The following ZNF521 variants were observed in gnomAD, a reference collection of about 807,000 sequenced individuals.
The protein encoded by ZNF521 is LYST-interacting protein 3.
Under a neutral mutation model 105.5 loss-of-function variants are expected in ZNF521, and 14 were observed. That is an observed-to-expected ratio of 0.13 (90% CI 0.09 to 0.21). The LOEUF (loss-of-function observed/expected upper bound fraction) is 0.21, where lower values mean the gene tolerates loss of function less well. Among genes scored for constraint, ZNF521 ranks in the 10% least tolerant of loss-of-function variants. The pLI is 1.00. For missense variants in ZNF521, 1,233 were observed against 1,629.7 expected, an observed-to-expected ratio of 0.76 and a Z score of 4.19; for synonymous variants, 635 against 606.0, an observed-to-expected ratio of 1.05 and a Z score of -0.70.
intron 5 of ZNF521, among the ~76,000 whole-genome samples, chr18:25,137,215 A>T (rs1469286866): frequency 6.6e-6 from 1 of 152,202 alleles, no homozygotes; most frequent in Non-Finnish European, 1.5e-5. Context: ...AGTGTTAAAG[A>T]ACAACCACAG....
At chr18:25,305,543 T>G (rs1911930575) in intron 3 of ZNF521, among the ~76,000 whole-genome samples, 1 of 152,206 alleles carries the variant, frequency 6.6e-6, no homozygotes, top group African/African-American at 2.4e-5. Context: ...GTCTCTCTTC[T>G]TTATTCCTAA....
intron 2 of ZNF521, among the ~76,000 whole-genome samples, chr18:25,348,822 T>G (rs1598498361): frequency 1.3e-5 from 2 of 152,324 alleles, no homozygotes; most frequent in East Asian, 1.9e-4. Context: ...ACTGCACAGG[T>G]ATTTTGCAGT....
At chr18:25,174,508 C>A (rs1006091545) in intron 5 of ZNF521, among the ~76,000 whole-genome samples, 1 of 152,136 alleles carries the variant, frequency 6.6e-6, no homozygotes, top group Non-Finnish European at 1.5e-5. Context: ...GGGGAGACAG[C>A]GAGTGTTTGG....
At chr18:25,223,150 AGCTATGAGCCATAATCAAAGCT>A in intron 4 of ZNF521, among the ~76,000 whole-genome samples, 2 of 152,356 alleles carry the variant, frequency 1.3e-5, no homozygotes, top group East Asian at 3.9e-4. Context: ...CCAACCCATG[AGCTATGAGCCATAATCAAAGCT>A]ATGTTCTTCC....
In ZNF521 at chr18:25,224,410, T is replaced by G. The variant is rs146987568; in HGVS notation, c.3508A>C (p.Ser1170Arg). The change falls in exon 4 of 8, where the codon AGC becomes CGC. Residue 1170 changes from serine (S) to arginine (R), a missense_variant. Physicochemically the swap from Ser to Arg is moderately radical, Grantham distance 110 (BLOSUM62 -1). Around this residue, in one of 6 missense-constraint regions of ZNF521, gnomAD observed 614 missense variants for 751.5 expected, o/e 0.82. Coordinates refer to ENST00000361524, the MANE Select transcript of ZNF521 (RefSeq NM_015461.3). ...IHRELVPDSN[S>R]TQLKTPQVSP... Reference sequence around the variant, plus strand: ...ACTTGGGGCGTTTTCAACTGTGTGCTGTTGCTGTCTGGCACGAGCTCTCGG... The same window carrying G: ...ACTTGGGGCGTTTTCAACTGTGTGCGGTTGCTGTCTGGCACGAGCTCTCGG... The G allele has an allele frequency of 6.2e-7, 1 of 1,614,062 alleles. No homozygotes were observed. The highest frequency in any genetic ancestry group is 1.1e-5 in the South Asian group (1 of 91,080).
intron 5 of ZNF521, among the ~76,000 whole-genome samples, chr18:25,103,012 C>A (rs2033997794): frequency 6.6e-6 from 1 of 152,136 alleles, no homozygotes; most frequent in South Asian, 2.1e-4. Context: ...AAGTCTCTCT[C>A]ACCCCTTGAA....
chr18:25,327,551 C>T lies in ZNF521; in HGVS notation c.41-5364G>A, dbSNP rs184187404. ...TCCTAATCCCTGATTTATGTTTATA[C>T]TTTTTAAGAACAGAGAAAAAGTTAC... On this transcript the variant is annotated intron_variant, in intron 2 of 7. Coordinates refer to ENST00000361524, the MANE Select transcript of ZNF521 (RefSeq NM_015461.3). 9.0e-4 allele frequency: 625 copies of T among 694,764 alleles called. 2 individuals carry two copies. Among genetic ancestry groups the T allele is most frequent in the Middle Eastern group, 7.9e-3 (27 of 3,406 alleles). 43.0% of individuals were successfully genotyped at this position (694,764 alleles called of 1,614,324 possible).
At chr18:25,345,256 A>G (rs1204019362) in intron 2 of ZNF521, 2 of 152,236 alleles carry the variant, frequency 1.3e-5, no homozygotes, top group Non-Finnish European at 2.9e-5. Context: ...AATTACCGGA[A>G]GCAAAAAGTT....
At chr18:25,136,809 AC>A (rs1444314661) in intron 5 of ZNF521, 2 of 152,216 alleles carry the variant, frequency 1.3e-5, no homozygotes, top group Non-Finnish European at 2.9e-5. Flanking sequence ...CCAAAAGATC[AC>A]CCACAGAGCT....
chr18:25,212,538 A>AAAATATATATATATAT (rs1555647923), intron 4 of ZNF521, among the ~76,000 whole-genome samples: 1 of 48,132 alleles, frequency 2.1e-5, no homozygotes, highest in African/African-American at 1.3e-4. Flanking sequence ...AAAAAAAAAA[A>AAAATATATATATATAT]ATATATATAT....
chr18:25,314,597 C>T (rs1912501833), intron 3 of ZNF521, among the ~76,000 whole-genome samples: 1 of 152,142 alleles, frequency 6.6e-6, no homozygotes, highest in South Asian at 2.1e-4. Context: ...AAGCTACAAC[C>T]CTGGGTAGGG....
intron 3 of ZNF521, among the ~76,000 whole-genome samples, chr18:25,291,728 A>G (rs775046897): frequency 2.1e-4 from 32 of 152,176 alleles, no homozygotes; most frequent in Non-Finnish European, 7.3e-5. Context: ...AGCCCTCGGC[A>G]TACTATATTT....
chr18:25,125,673 T>C (rs2034525548), intron 5 of ZNF521, among the ~76,000 whole-genome samples: 1 of 151,518 alleles, frequency 6.6e-6, no homozygotes, highest in South Asian at 2.1e-4. Context: ...AATGGTGTCA[T>C]GCACTTTCTC....
At chr18:25,067,193 T>TA (rs538849617) in intron 7 of ZNF521, among the ~76,000 whole-genome samples, 10 of 151,476 alleles carry the variant, frequency 6.6e-5, no homozygotes, top group South Asian at 2.1e-4. Context: ...GGGTTTGTGT[T>TA]AAAAAAAAAT....
chr18:25,226,074 G>T lies in ZNF521; in HGVS notation c.1844C>A (p.Thr615Lys), dbSNP rs946416654. Residue 615 changes from threonine (T) to lysine (K), a missense_variant, in exon 4 of 8, where the codon ACA becomes AAA. Physicochemically the swap from Thr to Lys is moderately conservative, Grantham distance 78 (BLOSUM62 -1). Around this residue, in one of 6 missense-constraint regions of ZNF521, gnomAD observed 614 missense variants for 751.5 expected, o/e 0.82. Transcript: ENST00000361524. The surrounding 1 kb of genome is among the most constrained non-coding windows in gnomAD (Gnocchi z 4.1). ...TACTGCCTGCATCATCTTAAGAGAT[G>T]TCTGCTCTATGGCCACAGGAGATAG... The part of the protein sequence containing the change: ...SPLSPVAIEQ[T>K]SLKMMQAVGG... The T allele has an allele frequency of 6.2e-7, 1 of 1,614,220 alleles. No homozygotes were observed.
rs117131188 is a variant in ZNF521 at position 25,325,141 on chromosome 18, C to G, written c.41-2954G>C. Among the ~76,000 whole-genome samples, 128 of 152,310 alleles carry G rather than the reference C, an allele frequency of 8.4e-4. 2 individuals are homozygous for G. The highest frequency in any genetic ancestry group is 1.8e-3 in the Non-Finnish European group (120 of 68,016). ...GCCTTGGTGTAATGAGTACTGGAAT[C>G]TCAGTCTCTCTCCTTGTAAGATTTT... On this transcript the variant is annotated intron_variant, in intron 2 of 7. Transcript: ENST00000361524.
At chr18:25,072,191 T>G (rs951508858) in intron 7 of ZNF521, among the ~76,000 whole-genome samples, 19 of 152,242 alleles carry the variant, frequency 1.2e-4, no homozygotes, top group African/African-American at 4.3e-4. Context: ...GACCTTAGTC[T>G]AATGTGAGTC....
chr18:25,345,201 G>A (rs1028564631), intron 2 of ZNF521: 2 of 152,118 alleles, frequency 1.3e-5, no homozygotes, highest in Non-Finnish European at 2.9e-5. Flanking sequence ...AATATGCTAC[G>A]AGTCTTGCAC....
At chr18:25,312,963 G>A (rs1912402496) in intron 3 of ZNF521, among the ~76,000 whole-genome samples, 1 of 152,142 alleles carries the variant, frequency 6.6e-6, no homozygotes, top group South Asian at 2.1e-4. Flanking sequence ...CTAAAACTGA[G>A]AGGAGCAAAG....
Sources: allele counts gnomAD v4.1 joint callset (sites outside exome capture counted in the v4.1 genomes callset), GRCh38; gene constraint gnomAD v4.1.1; regional missense constraint gnomAD v4.1.1; non-coding constraint Gnocchi (gnomAD v3.1); transcripts MANE v1.5; gene names NCBI Gene and HGNC (gene_info 2026-07-23, HGNC 2026-07-21).